Variants in RBFOX1 observed in about 807,000 individuals in gnomAD.
RBFOX1 encodes RNA binding protein fox-1 homolog 1.
RBFOX1 carries 8 observed loss-of-function variants against 57.7 expected under a neutral mutation model. That is an observed-to-expected ratio of 0.14 (90% CI 0.08 to 0.25). The LOEUF (loss-of-function observed/expected upper bound fraction) is 0.25. RBFOX1 is among the 10% of genes least tolerant of loss of function. The pLI is 1.00. For synonymous variants in RBFOX1, 326 were observed against 222.4 expected (o/e 1.47, Z -4.15); for missense variants, 611 against 548.5 (o/e 1.11, Z -1.14).
At chr16:7,696,107 C>A (rs1262498635) in intron 14 of RBFOX1, among the ~76,000 whole-genome samples, 1 of 152,142 alleles carries the variant, frequency 6.6e-6, no homozygotes, top group Non-Finnish European at 1.5e-5. Flanking sequence ...CTTTTTCTAG[C>A]CACATGGAAT....
intron 3 of RBFOX1, among the ~76,000 whole-genome samples, chr16:6,847,396 G>A (rs1403631566): frequency 7.2e-5 from 11 of 152,020 alleles, no homozygotes; most frequent in Admixed American, 3.9e-4. Context: ...TTCTGGGGCC[G>A]GGTCTAGGGG....
intron 2 of RBFOX1, among the ~76,000 whole-genome samples, chr16:6,634,015 CAAAG>C (rs2098411285): frequency 6.6e-6 from 1 of 152,030 alleles, no homozygotes; most frequent in Admixed American, 6.6e-5. Flanking sequence ...GACCCCATCT[CAAAG>C]AAATCCAGGC....
chr16:6,253,699 G>GTGTGTATA (rs71145205), intron 1 of RBFOX1, among the ~76,000 whole-genome samples: 1,774 of 142,390 alleles, frequency 0.012, 19 homozygotes, highest in South Asian at 0.018. Context: ...GTGTGTGTGT[G>GTGTGTATA]TATATATATA....
At chr16:6,059,103 T>C (rs1360641506) in intron 1 of RBFOX1, 1 of 152,224 alleles carries the variant, frequency 6.6e-6, no homozygotes, top group Non-Finnish European at 1.5e-5. Context: ...GTGACAGTCA[T>C]AATTTGCATA....
chr16:7,406,951 C>T (rs1282510288), intron 4 of RBFOX1, among the ~76,000 whole-genome samples: 1 of 152,180 alleles, frequency 6.6e-6, no homozygotes, highest in Admixed American at 6.5e-5. Flanking sequence ...AAATCTCTCT[C>T]TGTCTCTGCC....
intron 3 of RBFOX1, among the ~76,000 whole-genome samples, chr16:6,938,778 A>C (rs1180903985): frequency 3.3e-5 from 5 of 152,130 alleles, no homozygotes; most frequent in African/African-American, 1.2e-4. Flanking sequence ...CTAAAAATCC[A>C]AAAATTAGCT....
At chr16:6,711,359 A>T (rs961814181) in intron 3 of RBFOX1, among the ~76,000 whole-genome samples, 6 of 152,262 alleles carry the variant, frequency 3.9e-5, no homozygotes, top group Non-Finnish European at 7.4e-5. Context: ...TCTGGTCCCT[A>T]CCAACTTTGT....
chr16:5,829,531 T>C (rs904576687), intron 3 of RBFOX1, among the ~76,000 whole-genome samples: 18 of 152,218 alleles, frequency 1.2e-4, no homozygotes, highest in Admixed American at 1.0e-3. Flanking sequence ...AGGTGTGTGC[T>C]GTTCAGCTGC....
chr16:6,083,630 C>A (rs536252427), intron 1 of RBFOX1, among the ~76,000 whole-genome samples: 19 of 152,178 alleles, frequency 1.2e-4, no homozygotes, highest in African/African-American at 4.6e-4. Flanking sequence ...ACGTGCGCCA[C>A]CACGCCCAGC....
At chr16:5,303,094 A>G (rs1289077695) in intron 1 of RBFOX1, among the ~76,000 whole-genome samples, 1 of 152,198 alleles carries the variant, frequency 6.6e-6, no homozygotes, top group Admixed American at 6.5e-5. Context: ...TTTGGTTGAT[A>G]AAGAAAACTT....
intron 1 of RBFOX1, among the ~76,000 whole-genome samples, chr16:6,040,830 T>C (rs1017213882): frequency 2.6e-5 from 4 of 152,084 alleles, no homozygotes; most frequent in Non-Finnish European, 4.4e-5. Flanking sequence ...CTGACCTCAA[T>C]TGATCTGCGT....
chr16:6,669,215 G>A (rs1312785289), intron 3 of RBFOX1, among the ~76,000 whole-genome samples: 1 of 152,202 alleles, frequency 6.6e-6, no homozygotes, highest in Admixed American at 6.5e-5. Flanking sequence ...GATGGAACGT[G>A]ATGCAATAAC....
chr16:6,488,803 C>T (rs2095562343), intron 2 of RBFOX1, among the ~76,000 whole-genome samples: 1 of 152,092 alleles, frequency 6.6e-6, no homozygotes, highest in Non-Finnish European at 1.5e-5. Flanking sequence ...TGACTCCCTC[C>T]TGCAAAACAA....
At chr16:7,099,692 G>A (rs972909409) in intron 4 of RBFOX1, among the ~76,000 whole-genome samples, 6 of 152,078 alleles carry the variant, frequency 3.9e-5, no homozygotes, top group African/African-American at 1.4e-4. Flanking sequence ...TGTAAGATTT[G>A]CATTGGTTCT....
intron 4 of RBFOX1, among the ~76,000 whole-genome samples, chr16:7,339,996 GA>G (rs2096863136): frequency 6.6e-6 from 1 of 152,250 alleles, no homozygotes; most frequent in Admixed American, 6.5e-5. Flanking sequence ...TCTCCTTTTA[GA>G]AATTCTCTTC....
At chr16:6,555,727 C>G (rs1026860283) in intron 2 of RBFOX1, among the ~76,000 whole-genome samples, 7 of 151,916 alleles carry the variant, frequency 4.6e-5, no homozygotes, top group African/African-American at 1.5e-4. Flanking sequence ...AACAAACAAA[C>G]AAAAAAGATA....
Position 7,711,296 on chromosome 16 carries a change from TAA to T in RBFOX1, c.*552_*553del, listed in dbSNP as rs1036384283. The T allele has an allele frequency of 3.3e-5, 5 of 152,542 alleles. No homozygotes were observed. The highest frequency in any genetic ancestry group is 9.7e-5 in the African/African-American group (4 of 41,432). 9.4% of individuals were successfully genotyped at this position (152,542 alleles called of 1,614,324 possible). A position where few individuals can be genotyped will look rare whatever the true frequency, so the allele number is the denominator to read the frequency against. ...ACCAACAATCATTTATCAATGGTTC[TAA>T]GTTACTCATTGCCAGTTCAAGCCAA... On this transcript the variant is annotated 3_prime_UTR_variant, in exon 16 of 16. Transcript: ENST00000550418.
rs564271223 is a variant in RBFOX1 at position 5,894,977 on chromosome 16, C to T, written c.351+27642C>T. Among the ~76,000 whole-genome samples, 14 of 152,072 alleles carry T rather than the reference C, an allele frequency of 9.2e-5. No individual in the cohort carries two copies. The South Asian group carries it at 1.2e-3, about 14-fold the overall frequency. On this transcript the variant is annotated intron_variant, in intron 4 of 19. Coordinates refer to the RBFOX1 transcript ENST00000641259. The stretch of plus-strand genomic sequence containing the variant: ...GGCAGAGCTTGCAGTAGGCAGAGAT[C>T]GTGCCACTGCACTCCAGCCTGGGCA...
At chr16:6,836,177 T>A (rs748320337) in intron 3 of RBFOX1, among the ~76,000 whole-genome samples, 1 of 152,218 alleles carries the variant, frequency 6.6e-6, no homozygotes, top group Non-Finnish European at 1.5e-5. Context: ...GGTAACGCAT[T>A]ATTGAATATG....
Sources: allele counts gnomAD v4.1 joint callset (sites outside exome capture counted in the v4.1 genomes callset), GRCh38; gene constraint gnomAD v4.1.1; transcripts MANE v1.5; gene names NCBI Gene and HGNC (gene_info 2026-07-23, HGNC 2026-07-21).